The following TAF2 variants were observed in gnomAD, a reference collection of about 807,000 sequenced individuals.
TAF2 encodes the protein transcription initiation factor TFIID subunit 2.
A neutral mutation model predicts 138.5 loss-of-function variants in TAF2; 61 were observed. The ratio of observed to expected loss-of-function variants is 0.44; its 90% CI spans 0.36 to 0.54. TAF2 has a LOEUF of 0.54. Ranked by LOEUF, TAF2 falls within the 20% of genes least tolerant of loss-of-function variation. TAF2 has a pLI of 0.00. For synonymous variants in TAF2, 475 were observed against 469.9 expected (o/e 1.01, Z -0.14); for missense variants, 1,090 against 1,427.9 (o/e 0.76, Z 3.81).
In TAF2 at chr8:119,731,729, C is replaced by CA. The variant is rs1341999402; in HGVS notation, c.*194dup. On this transcript the variant is annotated 3_prime_UTR_variant, in exon 26 of 26. Coordinates refer to ENST00000378164, the MANE Select transcript of TAF2 (RefSeq NM_003184.4). ...GGATGAAATAGTTTATCCAGAACTA[C>CA]AAAACACATTTTCCTAATTAGATCC... 1 of 624,234 alleles carries CA rather than the reference C, an allele frequency of 1.6e-6. No homozygotes were observed. Among genetic ancestry groups the CA allele is most frequent in the Non-Finnish European group, 2.8e-6 (1 of 357,082 alleles). 38.7% of individuals were successfully genotyped at this position (624,234 alleles called of 1,614,324 possible). A position where few individuals can be genotyped will look rare whatever the true frequency, so the allele number is the denominator to read the frequency against.
At chr8:119,750,016 G>A (rs958187273) in intron 22 of TAF2, among the ~76,000 whole-genome samples, 4 of 152,198 alleles carry the variant, frequency 2.6e-5, no homozygotes, top group Admixed American at 6.5e-5. Context: ...AGTGCCTTGA[G>A]ACAAACACCA....
chr8:119,785,114 G>A (rs1274972389), intron 15 of TAF2, 87 bp downstream of exon 15: 1 of 1,046,862 alleles, frequency 9.6e-7, no homozygotes, highest in African/African-American at 1.6e-5. Flanking sequence ...TTGGAGGACA[G>A]TTATACACTT....
At chr8:119,749,476 C>A (rs190523430) in intron 22 of TAF2, among the ~76,000 whole-genome samples, 3 of 152,226 alleles carry the variant, frequency 2.0e-5, no homozygotes, top group Non-Finnish European at 2.9e-5. Flanking sequence ...GCCAAAATTT[C>A]ATTGTATTTC....
chr8:119,758,269 GA>G (rs1820834299), intron 20 of TAF2, 127 bp from the exon 21 acceptor site: 1 of 779,504 alleles, frequency 1.3e-6, no homozygotes, highest in African/African-American at 1.7e-5. Context: ...AATCAGAGTT[GA>G]AGGTTATAGG....
chr8:119,744,999 A>G (rs1470675852), intron 23 of TAF2: 1 of 456,108 alleles, frequency 2.2e-6, no homozygotes, highest in Non-Finnish European at 4.4e-6. Flanking sequence ...ATGAGCTGAT[A>G]TATTACATGA....
chr8:119,781,740 G>C (rs1421479826), intron 16 of TAF2, among the ~76,000 whole-genome samples: 1 of 151,422 alleles, frequency 6.6e-6, no homozygotes, highest in East Asian at 1.9e-4. Context: ...CTATCGCTCA[G>C]GCTATGGTGC....
chr8:119,756,282 T>C (rs1385329154), intron 21 of TAF2, among the ~76,000 whole-genome samples, 167 bp from the exon 22 acceptor site: 1 of 152,152 alleles, frequency 6.6e-6, no homozygotes, highest in East Asian at 1.9e-4. Context: ...TCCAAAGACA[T>C]GATGTTATAT....
intron 6 of TAF2, among the ~76,000 whole-genome samples, chr8:119,800,065 T>C (rs902581672): frequency 1.1e-4 from 17 of 152,352 alleles, no homozygotes; most frequent in African/African-American, 4.1e-4. Flanking sequence ...GATGAGTAGA[T>C]TGCAAAAATT....
At chr8:119,819,903 G>T (rs963873422) in intron 2 of TAF2, among the ~76,000 whole-genome samples, 5 of 152,114 alleles carry the variant, frequency 3.3e-5, no homozygotes, top group Admixed American at 3.3e-4. Flanking sequence ...AAAAAAAAAG[G>T]GGTAAAAAAT....
rs143643181 is a variant in TAF2 at position 119,776,374 on chromosome 8, A to C, written c.2364+1645T>G. On this transcript the variant is annotated intron_variant, in intron 18 of 25. Transcript: ENST00000378164. ...TTTTTTTTTTTTTTTTACTGTTGTA[A>C]CGTTTTATTAAAAGTTTCATCAATT... Among the ~76,000 whole-genome samples, 1,088 of 146,022 alleles carry C rather than the reference A, an allele frequency of 7.5e-3. 15 individuals carry two copies. The highest frequency in any genetic ancestry group is 0.026 in the African/African-American group (1,033 of 39,684).
chr8:119,739,693 A>G (rs1452797374), intron 25 of TAF2, among the ~76,000 whole-genome samples: 1 of 151,100 alleles, frequency 6.6e-6, no homozygotes, highest in East Asian at 1.9e-4. Context: ...GAATAAAATA[A>G]AATAAAAAGC....
intron 25 of TAF2, among the ~76,000 whole-genome samples, chr8:119,737,366 T>C (rs1023562780): frequency 6.6e-6 from 1 of 152,072 alleles, no homozygotes; most frequent in South Asian, 2.1e-4. Context: ...TCAAAATAAT[T>C]CAGAAGGGTA....
At chr8:119,830,555 G>A (rs943074989) in intron 2 of TAF2, among the ~76,000 whole-genome samples, 1 of 152,098 alleles carries the variant, frequency 6.6e-6, no homozygotes, top group African/African-American at 2.4e-5. Context: ...ACATAACCTA[G>A]GGAAGACTGC....
chr8:119,744,502 T>G (rs1819819461), intron 23 of TAF2, 109 bp from the exon 24 acceptor site: 1 of 862,898 alleles, frequency 1.2e-6, no homozygotes, highest in Non-Finnish European at 1.9e-6. Flanking sequence ...TATACCCCCA[T>G]ATAATCTTAA....
chr8:119,763,501 C>T (rs556998826), intron 18 of TAF2, among the ~76,000 whole-genome samples: 32 of 149,796 alleles, frequency 2.1e-4, no homozygotes, highest in Admixed American at 6.0e-4. Context: ...AGGCCAAGGC[C>T]GGCAGAACAC....
At chr8:119,811,343 T>C (rs1482076315) in intron 3 of TAF2, among the ~76,000 whole-genome samples, 2 of 151,986 alleles carry the variant, frequency 1.3e-5, no homozygotes, top group Non-Finnish European at 1.5e-5. Flanking sequence ...TTTGTAAACT[T>C]TCCCTCTATT....
intron 3 of TAF2, among the ~76,000 whole-genome samples, chr8:119,808,135 C>A (rs1254535559): frequency 6.6e-6 from 1 of 152,062 alleles, no homozygotes; most frequent in African/African-American, 2.4e-5. Flanking sequence ...AAGGTAACAA[C>A]TACAAAGCAC....
chr8:119,734,373 C>T (rs961197605), intron 25 of TAF2, among the ~76,000 whole-genome samples: 41 of 152,252 alleles, frequency 2.7e-4, no homozygotes, highest in Admixed American at 2.6e-3. Flanking sequence ...TTTCTCATCA[C>T]TAAGTTTGAT....
chr8:119,796,804 C>G lies in TAF2; in HGVS notation c.1091+186G>C, dbSNP rs565532114. 3.3e-5 allele frequency among the ~76,000 whole-genome samples: 5 copies of G among 151,076 alleles called. 1 individual carries two copies. Among genetic ancestry groups the G allele is most frequent in the African/African-American group, 1.2e-4 (5 of 41,128 alleles). On this transcript the variant is annotated intron_variant, in intron 8 of 25. Coordinates refer to ENST00000378164, the MANE Select transcript of TAF2 (RefSeq NM_003184.4). Reference sequence around the variant, plus strand: ...TTAATTAACTAATAAATATAAGTGACTATATTGATTTCATGGCCAAAAAGT... The same window carrying G: ...TTAATTAACTAATAAATATAAGTGAGTATATTGATTTCATGGCCAAAAAGT...
Sources: gnomAD v4.1 joint callset for allele counts (sites outside exome capture counted in the v4.1 genomes callset) on GRCh38, gnomAD v4.1.1 for gene constraint, MANE v1.5 for transcripts, NCBI Gene and HGNC (gene_info 2026-07-23, HGNC 2026-07-21) for gene names.